PCP4: variants seen among roughly 807,000 people sequenced by gnomAD.
PCP4 encodes calmodulin regulator protein PCP4.
PCP4 carries 8 observed loss-of-function variants against 10.0 expected under a neutral mutation model. The observed-to-expected ratio is 0.80, with a 90% CI of 0.47 to 1.45. PCP4 has a LOEUF of 1.45. PCP4 is among the 40% of genes most tolerant of loss of function. The pLI is 0.00. For synonymous variants in PCP4, 21 were observed against 23.0 expected (o/e 0.91, Z 0.24); for missense variants, 54 against 74.4 (o/e 0.73, Z 1.01).
intron 1 of PCP4, chr21:39,883,519 A>G (rs1401284186): frequency 6.6e-6 from 1 of 152,256 alleles, no homozygotes; most frequent in Non-Finnish European, 1.5e-5. Context: ...GAGATCCAGG[A>G]AACTTCAGCT....
intron 1 of PCP4, among the ~76,000 whole-genome samples, chr21:39,882,530 T>A (rs2037916): frequency 6.6e-6 from 1 of 152,114 alleles, no homozygotes; most frequent in Non-Finnish European, 1.5e-5. Context: ...TGGCCGGTTT[T>A]TGTAATCCGG....
intron 1 of PCP4, among the ~76,000 whole-genome samples, chr21:39,890,961 T>C (rs1703480097): frequency 1.3e-5 from 2 of 152,192 alleles, no homozygotes; most frequent in African/African-American, 4.8e-5. Context: ...GCACATTTTC[T>C]GTTCAAGCCC....
intron 2 of PCP4, among the ~76,000 whole-genome samples, chr21:39,925,484 A>G (rs575762964): frequency 6.6e-6 from 1 of 152,364 alleles, no homozygotes; most frequent in African/African-American, 2.4e-5. Flanking sequence ...AACAAGGCGG[A>G]CAAAGTCCCG....
chr21:39,895,727 T>C (rs1216282862), intron 1 of PCP4, among the ~76,000 whole-genome samples: 3 of 152,200 alleles, frequency 2.0e-5, no homozygotes, highest in Admixed American at 1.3e-4. Context: ...TTGAGCGCCC[T>C]TGAAGCCTGG....
intron 2 of PCP4, chr21:39,916,282 T>G (rs371986087): frequency 6.6e-6 from 1 of 152,208 alleles, no homozygotes; most frequent in African/African-American, 2.4e-5. Context: ...GTAAATAAAC[T>G]AAAATCTTGC....
In PCP4 at chr21:39,911,502, G is replaced by A. The variant is rs116261652; in HGVS notation, c.61+12975G>A. On this transcript the variant is annotated intron_variant, in intron 2 of 2. Coordinates refer to ENST00000328619, the MANE Select transcript of PCP4 (RefSeq NM_006198.3). ...GGGTGCCTCCCTCTGGTGGCAATTG[G>A]CATACATGAAATTAAAGTGTGACTG... Among the ~76,000 whole-genome samples, 1,009 of 152,268 alleles carry A rather than the reference G, an allele frequency of 6.6e-3. 7 individuals are homozygous for A. The highest frequency in any genetic ancestry group is 0.023 in the African/African-American group (972 of 41,540).
chr21:39,916,362 G>A (rs539192270), intron 2 of PCP4, among the ~76,000 whole-genome samples: 18 of 152,274 alleles, frequency 1.2e-4, no homozygotes, highest in African/African-American at 4.3e-4. Flanking sequence ...CCTGGCCCCA[G>A]TCTAACTGGT....
intron 1 of PCP4, 49 bp from the exon 2 acceptor site, chr21:39,898,427 C>G: frequency 6.9e-7 from 1 of 1,439,910 alleles, no homozygotes; most frequent in Non-Finnish European, 9.8e-7. Context: ...AAAGTAATCC[C>G]GAGTATATCT....
Position 39,898,863 on chromosome 21 carries a change from G to A in PCP4, c.61+336G>A, listed in dbSNP as rs188280734. Reference sequence around the variant, plus strand: ...TTGTGAGGATAAAATGAGATCAAACGAGATAAGTGATTTGAAAACTGTGAA... The same window carrying A: ...TTGTGAGGATAAAATGAGATCAAACAAGATAAGTGATTTGAAAACTGTGAA... On this transcript the variant is annotated intron_variant, in intron 2 of 2. Transcript: ENST00000328619. Among the ~76,000 whole-genome samples, 298 of 152,288 alleles carry A rather than the reference G, an allele frequency of 2.0e-3. 1 individual carries two copies. The highest frequency in any genetic ancestry group is 3.6e-3 in the Non-Finnish European group (245 of 68,014).
intron 2 of PCP4, 59 bp from the exon 3 acceptor site, chr21:39,928,925 G>A: frequency 2.5e-6 from 4 of 1,573,338 alleles, no homozygotes; most frequent in Non-Finnish European, 3.5e-6. Flanking sequence ...TAGTGGGGCT[G>A]TCTGCTTTCC....
At chr21:39,914,353 C>A (rs2087557696) in intron 2 of PCP4, among the ~76,000 whole-genome samples, 1 of 152,112 alleles carries the variant, frequency 6.6e-6, no homozygotes, top group Admixed American at 6.6e-5. Flanking sequence ...GCAAGTGGAT[C>A]ACCTGAGGTC....
intron 2 of PCP4, among the ~76,000 whole-genome samples, chr21:39,919,601 A>G (rs76937380): frequency 1.9e-3 from 291 of 152,284 alleles, no homozygotes; most frequent in Non-Finnish European, 3.6e-3. Context: ...TAAAATATGA[A>G]GAGTGATAAA....
chr21:39,918,697 G>A (rs184982617), intron 2 of PCP4, among the ~76,000 whole-genome samples: 1 of 152,296 alleles, frequency 6.6e-6, no homozygotes, highest in East Asian at 1.9e-4. Flanking sequence ...CTGCCTCTTA[G>A]CACAGACCTG....
At chr21:39,924,350 G>A (rs1568862952) in intron 2 of PCP4, among the ~76,000 whole-genome samples, 1 of 152,188 alleles carries the variant, frequency 6.6e-6, no homozygotes. Context: ...GAGAAGCTAA[G>A]AACTTTTTTC....
chr21:39,902,606 CCTT>C (rs1187967335), intron 2 of PCP4, among the ~76,000 whole-genome samples: 1 of 152,162 alleles, frequency 6.6e-6, no homozygotes, highest in African/African-American at 2.4e-5. Context: ...GTTTCAAAAT[CCTT>C]CTCATTTTCC....
chr21:39,898,045 C>CAAAAAAAA (rs780273912), intron 1 of PCP4, among the ~76,000 whole-genome samples: 2 of 74,022 alleles, frequency 2.7e-5, no homozygotes, highest in African/African-American at 9.8e-5. Context: ...GACTCAGTCT[C>CAAAAAAAA]AAAAAAAAAA....
intron 1 of PCP4, among the ~76,000 whole-genome samples, chr21:39,885,687 C>T (rs762709513): frequency 1.2e-4 from 19 of 152,242 alleles, no homozygotes; most frequent in Non-Finnish European, 2.1e-4. Flanking sequence ...GGGCATCCCC[C>T]AAAGCCAGGC....
chr21:39,927,879 T>A (rs1236353681), intron 2 of PCP4, among the ~76,000 whole-genome samples: 1 of 152,118 alleles, frequency 6.6e-6, no homozygotes, highest in Non-Finnish European at 1.5e-5. Flanking sequence ...TCCATCTTGC[T>A]CTTAGGAGCA....
chr21:39,892,010 C>T (rs952436850), intron 1 of PCP4, among the ~76,000 whole-genome samples: 1 of 152,186 alleles, frequency 6.6e-6, no homozygotes, highest in Non-Finnish European at 1.5e-5. Flanking sequence ...TAATATCCAG[C>T]CTTCCACAAG....
Sources: gnomAD v4.1 joint callset for allele counts (sites outside exome capture counted in the v4.1 genomes callset) on GRCh38, gnomAD v4.1.1 for gene constraint, MANE v1.5 for transcripts, NCBI Gene and HGNC (gene_info 2026-07-23, HGNC 2026-07-21) for gene names.